The following CFAP70 variants were observed in gnomAD, a reference collection of about 807,000 sequenced individuals.
CFAP70 encodes cilia and flagella associated protein 70, also known as cilia- and flagella-associated protein 70.
In CFAP70, 81 loss-of-function variants were observed where a neutral mutation model predicts 137.6. The ratio of observed to expected loss-of-function variants is 0.59; its 90% CI spans 0.49 to 0.71. The LOEUF is 0.71. Among genes scored for constraint, CFAP70 ranks in the 30% least tolerant of loss-of-function variants. The pLI is 0.00. For synonymous variants in CFAP70, 382 were observed against 423.6 expected (o/e 0.90, Z 1.20); for missense variants, 976 against 1,226.7 (o/e 0.80, Z 3.05).
At chr10:73,357,242 G>T (rs549551387) in intron 1 of CFAP70, among the ~76,000 whole-genome samples, 2 of 152,202 alleles carry the variant, frequency 1.3e-5, no homozygotes, top group African/African-American at 4.8e-5. Flanking sequence ...ATCTCTATTT[G>T]ATTGAAAAAA....
intron 19 of CFAP70, 49 bp from the exon 21 acceptor site, chr10:73,278,386 T>A (rs1322119328): frequency 6.6e-7 from 1 of 1,503,868 alleles, no homozygotes; most frequent in East Asian, 2.3e-5. Flanking sequence ...ACATTGGGTG[T>A]TTAAAGGTTA....
At chr10:73,320,287 A>G (rs4606407) in intron 9 of CFAP70, among the ~76,000 whole-genome samples, 16,091 of 151,978 alleles carry the variant, frequency 0.11, 1,239 homozygotes, top group East Asian at 0.31. Flanking sequence ...TTTGATCTAT[A>G]TTATATGTAA....
intron 19 of CFAP70, among the ~76,000 whole-genome samples, chr10:73,287,499 T>C (rs2047821673): frequency 6.6e-6 from 1 of 152,208 alleles, no homozygotes; most frequent in Non-Finnish European, 1.5e-5. Context: ...CTAGGTGATA[T>C]ATGCAAATAT....
upstream of CFAP70, among the ~76,000 whole-genome samples, chr10:73,360,511 CAATT>C (rs1313123345): frequency 3.3e-5 from 5 of 152,124 alleles, no homozygotes; most frequent in Non-Finnish European, 5.9e-5. Context: ...CATTTCAAAA[CAATT>C]AAAATATATA....
chr10:73,322,786 C>T (rs557240987), intron 9 of CFAP70, among the ~76,000 whole-genome samples, 177 bp downstream of exon 10: 150 of 152,232 alleles, frequency 9.9e-4, no homozygotes, highest in African/African-American at 3.4e-3. Flanking sequence ...TTTGTCCTTT[C>T]ATTATCCTAA....
In CFAP70 at chr10:73,275,366, A is replaced by T; in HGVS notation, c.2673+80T>A. On this transcript the variant is annotated intron_variant, in intron 22 of 26. Coordinates refer to ENST00000310715, the Ensembl canonical transcript of CFAP70. This position sits in a 1 kb window ranked among gnomAD's most constrained non-coding sequence, Gnocchi z 4.0. ...GATGACCACCCTTCTGTTCACCAGAAATCTACGTGTGATATGGCATCACCA... is the reference window on the plus strand; with the variant it reads ...GATGACCACCCTTCTGTTCACCAGATATCTACGTGTGATATGGCATCACCA... 6.8e-7 allele frequency: 1 copy of T among 1,464,154 alleles called. No homozygotes were observed. The highest frequency in any genetic ancestry group is 9.1e-7 in the Non-Finnish European group (1 of 1,094,188). 90.7% of individuals were successfully genotyped at this position (1,464,154 alleles called of 1,614,324 possible).
Position 73,323,103 on chromosome 10 carries a change from G to A in CFAP70, c.778-6C>T. 1 of 1,605,974 alleles carries A rather than the reference G, an allele frequency of 6.2e-7. No homozygotes were observed. The highest frequency in any genetic ancestry group is 8.5e-7 in the Non-Finnish European group (1 of 1,177,480). On this transcript the variant is annotated splice_polypyrimidine_tract_variant and splice_region_variant and intron_variant, in intron 8 of 26. Coordinates refer to ENST00000310715, the Ensembl canonical transcript of CFAP70. ...AGCTGAGCTTCTTCATCAGTCTAAA[G>A]GAATAAAACCAGAGAGTTGTTAGTG...
intron 25 of CFAP70, among the ~76,000 whole-genome samples, chr10:73,257,486 A>G (rs967019016): frequency 6.6e-6 from 1 of 152,236 alleles, no homozygotes; most frequent in South Asian, 2.1e-4. Flanking sequence ...ATGCAAAGTC[A>G]CTTGGTAAAG....
At chr10:73,340,392 T>C (rs1280267094) in intron 6 of CFAP70, among the ~76,000 whole-genome samples, 1 of 152,186 alleles carries the variant, frequency 6.6e-6, no homozygotes, top group Non-Finnish European at 1.5e-5. Context: ...GGGGAGGAAG[T>C]AGATGCTGAC....
At chr10:73,332,708 G>A (rs1409704892) in intron 7 of CFAP70, among the ~76,000 whole-genome samples, 1 of 152,152 alleles carries the variant, frequency 6.6e-6, no homozygotes, top group Non-Finnish European at 1.5e-5. Context: ...AGACAACAGG[G>A]GAGGTGGGGG....
intron 5 of CFAP70, among the ~76,000 whole-genome samples, chr10:73,342,935 G>A (rs1172833755): frequency 6.6e-6 from 1 of 150,546 alleles, no homozygotes; most frequent in East Asian, 2.0e-4. Flanking sequence ...ATTAAGCCGG[G>A]CGCAGTGGCT....
intron 4 of CFAP70, chr10:73,348,226 G>A (rs865889623): frequency 3.7e-6 from 6 of 1,614,022 alleles, no homozygotes; most frequent in South Asian, 1.1e-5. Context: ...TGTTTGAAAT[G>A]AACTCTGTCC....
At chr10:73,345,159 G>A (rs1347961879) in intron 4 of CFAP70, 4 of 1,614,150 alleles carry the variant, frequency 2.5e-6, no homozygotes, top group Non-Finnish European at 3.4e-6. Context: ...AGCCTCCAAC[G>A]TGACCTTCAG....
At chr10:73,281,835 T>C (rs2047278548) in intron 19 of CFAP70, among the ~76,000 whole-genome samples, 1 of 152,172 alleles carries the variant, frequency 6.6e-6, no homozygotes, top group Non-Finnish European at 1.5e-5. Flanking sequence ...AATCATGTCT[T>C]TTGCAGCAAC....
intron 4 of CFAP70, among the ~76,000 whole-genome samples, chr10:73,347,395 G>A (rs1029243521): frequency 1.3e-5 from 2 of 152,024 alleles, no homozygotes; most frequent in Admixed American, 1.3e-4. Flanking sequence ...CCAAGTGAGA[G>A]GTAATAAGGC....
At chr10:73,305,126 T>G (rs184489142) in intron 12 of CFAP70, among the ~76,000 whole-genome samples, 1 of 152,242 alleles carries the variant, frequency 6.6e-6, no homozygotes, top group Non-Finnish European at 1.5e-5. Flanking sequence ...CTCAAATTAC[T>G]GTGTTTGTTC....
In CFAP70 at chr10:73,341,388, C is replaced by A; in HGVS notation, c.582+11G>T. 1 of 1,592,780 alleles carries A rather than the reference C, an allele frequency of 6.3e-7. No homozygotes were observed. Among genetic ancestry groups the A allele is most frequent in the Non-Finnish European group, 8.6e-7 (1 of 1,168,666 alleles). On this transcript the variant is annotated intron_variant, in intron 6 of 26. Coordinates refer to ENST00000310715, the Ensembl canonical transcript of CFAP70. Reference sequence around the variant, plus strand: ...AAGTTTATCACAAAAACCTGTATATCAGGCTCTCACCTCAGGATGGTTGAG... The same window carrying A: ...AAGTTTATCACAAAAACCTGTATATAAGGCTCTCACCTCAGGATGGTTGAG...
chr10:73,343,225 A>AG (rs1042810001), intron 5 of CFAP70, among the ~76,000 whole-genome samples: 11 of 151,284 alleles, frequency 7.3e-5, no homozygotes, highest in African/African-American at 2.7e-4. Flanking sequence ...AAAAAAAAAA[A>AG]AGAGAAAGAA....
intron 20 of CFAP70, among the ~76,000 whole-genome samples, chr10:73,277,899 G>A (rs1029315897): frequency 8.5e-5 from 13 of 152,138 alleles, no homozygotes; most frequent in African/African-American, 2.9e-4. Flanking sequence ...AAATAAAAAG[G>A]TTTAAAAAGG....
Sources: gnomAD v4.1 joint callset for allele counts (sites outside exome capture counted in the v4.1 genomes callset) on GRCh38, gnomAD v4.1.1 for gene constraint, Gnocchi (gnomAD v3.1) non-coding constraint, MANE v1.5 for transcripts, NCBI Gene and HGNC (gene_info 2026-07-23, HGNC 2026-07-21) for gene names.